Variants in PDK1 observed in about 807,000 individuals in gnomAD.
The protein encoded by PDK1 is pyruvate dehydrogenase kinase 1, also known as [Pyruvate dehydrogenase (acetyl-transferring)] kinase isozyme 1, mitochondrial.
A neutral mutation model predicts 54.2 loss-of-function variants in PDK1; 39 were observed. The observed-to-expected ratio is 0.72, with a 90% confidence interval of 0.56 to 0.94. The LOEUF (loss-of-function observed/expected upper bound fraction) is 0.94, where lower values mean the gene tolerates loss of function less well. Among genes scored for constraint, PDK1 ranks in the 40% least tolerant of loss-of-function variants. PDK1 has a pLI of 0.00. For missense variants in PDK1, 552 were observed against 566.0 expected (o/e 0.98, Z 0.25); for synonymous variants, 221 against 207.1 (o/e 1.07, Z -0.58).
At position 172,561,526 on chromosome 2, in the gene PDK1, A is replaced by G. The variant is rs564300733; in HGVS notation, c.339-694A>G. ...CTTACACTGTCGAAGAAAGTAATTC[A>G]GTGGTAGCAAGTTATTTTTAGCTCT... is the stretch of plus-strand genomic sequence containing the variant. On this transcript the variant is annotated intron_variant, in intron 2 of 10. Coordinates refer to ENST00000282077, the MANE Select transcript of PDK1 (RefSeq NM_002610.5). Among the ~76,000 whole-genome samples, 12 of 152,368 alleles carry G rather than the reference A, an allele frequency of 7.9e-5. No homozygotes were observed. In the South Asian group the frequency reaches 1.7e-3, roughly 21 times the overall value.
chr2:172,562,091 A>G (rs1205414603), intron 2 of PDK1, 129 bp from the exon 3 acceptor site: 1 of 553,454 alleles, frequency 1.8e-6, no homozygotes, highest in African/African-American at 1.9e-5. Context: ...TTATACTTCA[A>G]CCATAATTTA....
intron 10 of PDK1, 31 bp from the exon 11 acceptor site, chr2:172,595,798 A>G (rs1167721120): frequency 3.8e-6 from 6 of 1,586,182 alleles, no homozygotes; most frequent in African/African-American, 1.4e-5. Flanking sequence ...AAAATGCCAG[A>G]CTTAATAGGT....
the PDK1 span, among the ~76,000 whole-genome samples, chr2:172,634,948 T>C: frequency 6.6e-6 from 1 of 152,184 alleles, no homozygotes; most frequent in East Asian, 1.9e-4. Context: ...AATGTCAACA[T>C]TCTTTATTCC....
the PDK1 span, among the ~76,000 whole-genome samples, chr2:172,683,863 TG>T: frequency 6.6e-6 from 1 of 152,194 alleles, no homozygotes; most frequent in Admixed American, 6.5e-5. Context: ...ACTGACCTGT[TG>T]TACTTAGATG....
At chr2:172,619,488 C>CT in the PDK1 span, among the ~76,000 whole-genome samples, 48,707 of 146,784 alleles carry the variant, frequency 0.33, 9,243 homozygotes, top group East Asian at 0.57. Context: ...CTAGGCCTAG[C>CT]TTTTTTTTTT....
At chr2:172,724,151 T>C in the PDK1 span, 1 of 152,234 alleles carries the variant, frequency 6.6e-6, no homozygotes, top group African/African-American at 2.4e-5. Context: ...TCTCTGTATG[T>C]ATTTTGTAGA....
At chr2:172,556,706 T>C (rs1389715259) in intron 1 of PDK1, 2 of 208,104 alleles carry the variant, frequency 9.6e-6, no homozygotes, top group African/African-American at 4.6e-5. Context: ...AGAATCGCGT[T>C]TGGATTCCGT....
In PDK1 at chr2:172,599,092, GT is replaced by G. The variant is rs1247731691; in HGVS notation, c.*3125del. On this transcript the variant is annotated 3_prime_UTR_variant, in exon 11 of 11. Transcript: ENST00000282077. ...CTTGTTGCATAAATGAAGATCTTCT[GT>G]TGTGTGCTTTTCAAACACTGTAAAT... The G allele has an allele frequency of 1.3e-5, 2 of 149,718 alleles. No homozygotes were observed. The highest frequency in any genetic ancestry group is 3.0e-5 in the Non-Finnish European group (2 of 67,742). The allele number at this position is 149,718 out of a possible 1,614,324, so 9.3% of individuals were successfully genotyped here. A position where few individuals can be genotyped will look rare whatever the true frequency, so the allele number is the denominator to read the frequency against.
At chr2:172,669,518 A>G in the PDK1 span, among the ~76,000 whole-genome samples, 3 of 152,198 alleles carry the variant, frequency 2.0e-5, no homozygotes, top group Non-Finnish European at 2.9e-5. Flanking sequence ...ACTGATTTCA[A>G]TTCCTTTGAC....
At chr2:172,718,517 A>G in the PDK1 span, among the ~76,000 whole-genome samples, 2 of 152,378 alleles carry the variant, frequency 1.3e-5, no homozygotes, top group Non-Finnish European at 2.9e-5. Context: ...CTTTTAATAT[A>G]GCATTCAGAG....
chr2:172,692,410 G>A, the PDK1 span, among the ~76,000 whole-genome samples: 1 of 152,090 alleles, frequency 6.6e-6, no homozygotes, highest in African/African-American at 2.4e-5. Flanking sequence ...ACTTTTTGCT[G>A]TTCACTTAAA....
the PDK1 span, among the ~76,000 whole-genome samples, chr2:172,716,709 G>C: frequency 6.6e-6 from 1 of 152,024 alleles, no homozygotes; most frequent in East Asian, 1.9e-4. Flanking sequence ...CAAATATTCT[G>C]TTTTTCAGAT....
At chr2:172,720,818 G>A in the PDK1 span, among the ~76,000 whole-genome samples, 4 of 152,124 alleles carry the variant, frequency 2.6e-5, no homozygotes, top group Admixed American at 1.3e-4. Flanking sequence ...CAAGGCTAGA[G>A]GCTTTTGTTC....
chr2:172,645,260 C>CTTTTTTTTTTTTTTTTTTTTTTTTT, the PDK1 span, among the ~76,000 whole-genome samples: 3 of 51,126 alleles, frequency 5.9e-5, 1 homozygote, highest in East Asian at 1.8e-3. Flanking sequence ...ACAAAATAGG[C>CTTTTTTTTTTTTTTTTTTTTTTTTT]TTTTTTTTTT....
At chr2:172,681,160 G>A in the PDK1 span, among the ~76,000 whole-genome samples, 67 of 152,082 alleles carry the variant, frequency 4.4e-4, no homozygotes, top group Non-Finnish European at 8.8e-4. Flanking sequence ...TTTAAACTAG[G>A]CACTGTATTT....
the PDK1 span, among the ~76,000 whole-genome samples, chr2:172,622,652 CAT>C: frequency 1.5e-4 from 19 of 126,706 alleles, no homozygotes; most frequent in East Asian, 2.7e-4. Flanking sequence ...GTTTATATCT[CAT>C]GTGAGATATG....
the PDK1 span, among the ~76,000 whole-genome samples, chr2:172,667,413 G>A: frequency 6.6e-6 from 1 of 152,112 alleles, no homozygotes; most frequent in Non-Finnish European, 1.5e-5. Context: ...ATTAGGAGAG[G>A]GATACAGTTT....
At chr2:172,617,747 C>G in the PDK1 span, among the ~76,000 whole-genome samples, 1 of 152,166 alleles carries the variant, frequency 6.6e-6, no homozygotes, top group Non-Finnish European at 1.5e-5. Context: ...AACAAACATT[C>G]AAACCATAGC....
chr2:172,687,372 CCTT>C, the PDK1 span, among the ~76,000 whole-genome samples: 1 of 151,692 alleles, frequency 6.6e-6, no homozygotes, highest in African/African-American at 2.4e-5. Context: ...GGATTATACT[CCTT>C]TGTTGTTAAA....
Sources: allele counts gnomAD v4.1 joint callset (sites outside exome capture counted in the v4.1 genomes callset), GRCh38; gene constraint gnomAD v4.1.1; transcripts MANE v1.5; gene names NCBI Gene and HGNC (gene_info 2026-07-23, HGNC 2026-07-21).